KCND3: variants seen among roughly 807,000 people sequenced by gnomAD.
The protein encoded by KCND3 is A-type voltage-gated potassium channel KCND3.
Under a neutral mutation model 51.1 loss-of-function variants are expected in KCND3, and 9 were observed. That is an observed-to-expected ratio of 0.18 (90% CI 0.11 to 0.31). The LOEUF is 0.31. Ranked by LOEUF, KCND3 falls within the 10% of genes least tolerant of loss-of-function variation. The pLI, the probability that KCND3 is intolerant of heterozygous loss-of-function variation, is 1.00. For missense variants in KCND3, 526 were observed against 903.8 expected, an observed-to-expected ratio of 0.58 and a Z score of 5.36; for synonymous variants, 349 against 368.0, an observed-to-expected ratio of 0.95 and a Z score of 0.59.
At chr1:111,937,855 G>A (rs758665745) in intron 2 of KCND3, among the ~76,000 whole-genome samples, 16 of 152,142 alleles carry the variant, frequency 1.1e-4, no homozygotes, top group Non-Finnish European at 2.1e-4. Context: ...GCTGGCCAGA[G>A]GCATAATCGC....
chr1:111,776,926 C>T (rs1050391314), intron 7 of KCND3, 100 bp downstream of exon 7: 63 of 1,568,118 alleles, frequency 4.0e-5, no homozygotes, highest in East Asian at 1.7e-4. Flanking sequence ...ATAAGGGGAG[C>T]GGCTAGAGGA....
intron 2 of KCND3, among the ~76,000 whole-genome samples, chr1:111,884,912 C>A (rs1421023486): frequency 6.6e-6 from 1 of 152,060 alleles, no homozygotes; most frequent in Non-Finnish European, 1.5e-5. Context: ...GTGAGTATGG[C>A]GATGGGGGCG....
chr1:111,908,493 T>A (rs1670758773), intron 2 of KCND3, among the ~76,000 whole-genome samples: 1 of 152,204 alleles, frequency 6.6e-6, no homozygotes, highest in Admixed American at 6.5e-5. Flanking sequence ...CCTAGGGCTC[T>A]GACTTTAGAA....
chr1:111,799,390 C>T (rs536312702), intron 2 of KCND3, among the ~76,000 whole-genome samples: 3 of 152,276 alleles, frequency 2.0e-5, no homozygotes, highest in South Asian at 4.1e-4. Context: ...TCAGGAATCA[C>T]AATGCAGATG....
At chr1:111,778,724 T>C (rs551940769) in intron 5 of KCND3, among the ~76,000 whole-genome samples, 3 of 151,892 alleles carry the variant, frequency 2.0e-5, no homozygotes, top group Admixed American at 2.0e-4. Context: ...ACATTCTGCC[T>C]CTCCTGTCCT....
chr1:111,918,088 G>A (rs1671306059), intron 2 of KCND3, among the ~76,000 whole-genome samples: 1 of 152,158 alleles, frequency 6.6e-6, no homozygotes, highest in Admixed American at 6.5e-5. Flanking sequence ...TCCAATTGTG[G>A]CACATAATAA....
intron 2 of KCND3, among the ~76,000 whole-genome samples, chr1:111,808,111 T>A (rs59209731): frequency 0.082 from 12,437 of 152,194 alleles, 883 homozygotes; most frequent in African/African-American, 0.18. Flanking sequence ...TTAGAAGGAA[T>A]TATCCAGAAT....
At chr1:111,901,208 A>G (rs1670366717) in intron 2 of KCND3, among the ~76,000 whole-genome samples, 1 of 146,330 alleles carries the variant, frequency 6.8e-6, no homozygotes, top group Non-Finnish European at 1.5e-5. Flanking sequence ...GCCCCAAAGA[A>G]TCTAGCAGCT....
intron 2 of KCND3, among the ~76,000 whole-genome samples, chr1:111,801,993 C>T (rs1232521590): frequency 2.6e-5 from 4 of 152,232 alleles, no homozygotes; most frequent in Non-Finnish European, 5.9e-5. Context: ...GAAGTCCTTG[C>T]TCTCCCACTA....
intron 2 of KCND3, among the ~76,000 whole-genome samples, chr1:111,915,788 T>C (rs564607441): frequency 1.1e-4 from 16 of 143,318 alleles, no homozygotes; most frequent in African/African-American, 4.1e-4. Flanking sequence ...CTGGAGTGAC[T>C]ATATCAGACA....
rs150154799 is a variant in KCND3 at position 111,961,604 on chromosome 1, C to G, written c.1106+20017G>C. On this transcript the variant is annotated intron_variant, in intron 2 of 7. Coordinates refer to ENST00000302127, the MANE Select transcript of KCND3 (RefSeq NM_001378969.1). ...CTACTGTCTGAATACCTCCTCTTCC[C>G]TTTCCCTGTGCCGAAGGTGTGCATC... is the stretch of plus-strand genomic sequence containing the variant. Among the ~76,000 whole-genome samples, 405 of 152,316 alleles carry G rather than the reference C, an allele frequency of 2.7e-3. 1 individual carries two copies. Among genetic ancestry groups the G allele is most frequent in the Middle Eastern group, 0.01 (3 of 294 alleles).
At chr1:111,794,173 C>T (rs900036867) in intron 2 of KCND3, among the ~76,000 whole-genome samples, 1 of 152,248 alleles carries the variant, frequency 6.6e-6, no homozygotes, top group African/African-American at 2.4e-5. Flanking sequence ...GGAAGCTTAA[C>T]CTCCTAATAT....
chr1:111,982,650 G>C lies in KCND3; in HGVS notation c.77C>G (p.Pro26Arg). Residue 26 changes from proline (P) to arginine (R), a missense_variant, in exon 2 of 8, where the codon CCC becomes CGC. This residue lies in a region of KCND3 where 159 missense variants were observed against 262.8 expected (regional missense o/e 0.61). Transcript: ENST00000302127. The surrounding 1 kb of genome is among the most constrained non-coding windows in gnomAD (Gnocchi z 8.5). ...CTTGTCGGCCGGGGCCAGGGGCATG[G>C]GGCAGTTGGCCACCGGCATCCACCC... is the stretch of plus-strand genomic sequence containing the variant. ...AIGWMPVANC[P>R]MPLAPADKNK... 6.2e-7 allele frequency: 1 copy of C among 1,613,452 alleles called. No individual in the cohort carries two copies. Among genetic ancestry groups the C allele is most frequent in the Non-Finnish European group, 8.5e-7 (1 of 1,179,922 alleles).
chr1:111,966,165 C>G lies in KCND3; in HGVS notation c.1106+15456G>C, dbSNP rs79666375. On this transcript the variant is annotated intron_variant, in intron 2 of 7. Coordinates refer to ENST00000302127, the MANE Select transcript of KCND3 (RefSeq NM_001378969.1). ...GCTCACATCCTGGAGACAGCCCACA[C>G]GCTTACCCTCTCTCCAGCCCTCTGT... 3.4e-3 allele frequency among the ~76,000 whole-genome samples: 513 copies of G among 152,304 alleles called. 3 individuals carry two copies. Among genetic ancestry groups the G allele is most frequent in the African/African-American group, 0.012 (491 of 41,554 alleles).
At chr1:111,956,290 G>A (rs1171832191) in intron 2 of KCND3, among the ~76,000 whole-genome samples, 1 of 152,102 alleles carries the variant, frequency 6.6e-6, no homozygotes, top group African/African-American at 2.4e-5. Flanking sequence ...ACTGCATGTT[G>A]GATGACTTTG....
At chr1:111,976,877 G>C (rs1339462369) in intron 2 of KCND3, among the ~76,000 whole-genome samples, 2 of 152,226 alleles carry the variant, frequency 1.3e-5, no homozygotes, top group Non-Finnish European at 2.9e-5. Context: ...TGCAATCATA[G>C]TGCCTGTGTA....
chr1:111,870,112 T>C lies in KCND3; in HGVS notation c.1107-83006A>G, dbSNP rs529369770. 2.0e-5 allele frequency among the ~76,000 whole-genome samples: 3 copies of C among 152,368 alleles called. No homozygotes were observed. The East Asian group carries it at 5.8e-4, about 29-fold the overall frequency. On this transcript the variant is annotated intron_variant, in intron 2 of 7. Transcript: ENST00000302127. ...TATCATTTAAGCCTCACAATGGCCC[T>C]ATGAAGTAAGCATAATTGTTACTCC... is the stretch of plus-strand genomic sequence containing the variant.
intron 2 of KCND3, among the ~76,000 whole-genome samples, chr1:111,806,651 A>C (rs1048978130): frequency 2.6e-5 from 4 of 152,244 alleles, no homozygotes; most frequent in African/African-American, 4.8e-5. Flanking sequence ...TGCTGGATGA[A>C]ATATAACAAA....
chr1:111,828,567 A>T (rs114328890), intron 2 of KCND3, among the ~76,000 whole-genome samples: 1 of 152,134 alleles, frequency 6.6e-6, no homozygotes, highest in African/African-American at 2.4e-5. Context: ...ATTTCACTCA[A>T]GAAGGCTCAG....
Sources: gnomAD v4.1 joint callset for allele counts (sites outside exome capture counted in the v4.1 genomes callset) on GRCh38, gnomAD v4.1.1 for gene constraint, gnomAD v4.1.1 regional missense constraint, Gnocchi (gnomAD v3.1) non-coding constraint, MANE v1.5 for transcripts, NCBI Gene and HGNC (gene_info 2026-07-23, HGNC 2026-07-21) for gene names.